Variants in PDZRN4 observed in about 807,000 individuals in gnomAD.
PDZRN4 encodes PDZ domain containing ring finger 4.
A neutral mutation model predicts 99.0 loss-of-function variants in PDZRN4; 70 were observed. That is an observed-to-expected ratio of 0.71 (90% CI 0.58 to 0.86). The LOEUF is 0.86. PDZRN4 is among the 40% of genes least tolerant of loss of function. The pLI, the probability that PDZRN4 is intolerant of heterozygous loss-of-function variation, is 0.00. For missense variants in PDZRN4, 1,474 were observed against 1,331.2 expected (o/e 1.11, Z -1.67); for synonymous variants, 551 against 501.6 (o/e 1.10, Z -1.32).
At chr12:41,398,660 C>A (rs1952267434) in intron 3 of PDZRN4, among the ~76,000 whole-genome samples, 1 of 152,088 alleles carries the variant, frequency 6.6e-6, no homozygotes, top group African/African-American at 2.4e-5. Context: ...TGTTAAAAAT[C>A]AAATGTTATA....
At chr12:41,469,591 C>T (rs2730827) in intron 3 of PDZRN4, among the ~76,000 whole-genome samples, 82,908 of 151,536 alleles carry the variant, frequency 0.55, 23,756 homozygotes, top group African/African-American at 0.74. Flanking sequence ...TTCTTGCTAG[C>T]ATTAGTGTGT....
At chr12:41,227,906 CA>C (rs1566375558) in intron 3 of PDZRN4, among the ~76,000 whole-genome samples, 8 of 151,408 alleles carry the variant, frequency 5.3e-5, no homozygotes, top group Admixed American at 6.6e-5. Context: ...CACACACACA[CA>C]CACACACACA....
intron 3 of PDZRN4, among the ~76,000 whole-genome samples, chr12:41,239,396 A>G (rs1023847736): frequency 6.6e-6 from 1 of 152,152 alleles, no homozygotes; most frequent in Non-Finnish European, 1.5e-5. Context: ...GATGGGTTGA[A>G]CTGTGCAGCA....
rs1356215805 is a variant in PDZRN4, at chr12:41,194,109, GAATTTACGTTTCAAA to G, written c.770_784del (p.Tyr257_Ile261del). The G allele has an allele frequency of 1.3e-6, 2 of 1,545,926 alleles. No homozygotes were observed. Among genetic ancestry groups the G allele is most frequent in the Non-Finnish European group, 1.8e-6 (2 of 1,131,164 alleles). ...AATCAGGAAGGAACATCGACTGAAG[GAATTTACGTTTCAAA>G]AATTTTAGAAAATGGACCTGCTGAC... On this transcript the variant is annotated inframe_deletion, in exon 3 of 10. Transcript: ENST00000402685.
At chr12:41,313,076 G>A (rs911053982) in intron 3 of PDZRN4, among the ~76,000 whole-genome samples, 1 of 152,074 alleles carries the variant, frequency 6.6e-6, no homozygotes, top group African/African-American at 2.4e-5. Flanking sequence ...GTGTGAACTG[G>A]AGCATTATTC....
chr12:41,554,760 AC>A (rs1213306690), intron 6 of PDZRN4, among the ~76,000 whole-genome samples: 1 of 152,080 alleles, frequency 6.6e-6, no homozygotes, highest in Non-Finnish European at 1.5e-5. Flanking sequence ...AATATACTTT[AC>A]CCCACATGTA....
intron 7 of PDZRN4, among the ~76,000 whole-genome samples, chr12:41,562,287 T>C (rs1175651974): frequency 6.6e-6 from 1 of 152,146 alleles, no homozygotes; most frequent in Non-Finnish European, 1.5e-5. Flanking sequence ...TTTATTGTGG[T>C]TCAAGGTTGA....
At chr12:41,457,532 T>C (rs1352488032) in intron 3 of PDZRN4, among the ~76,000 whole-genome samples, 1 of 152,150 alleles carries the variant, frequency 6.6e-6, no homozygotes, top group African/African-American at 2.4e-5. Context: ...AAGCAATGAG[T>C]TATCTTTCTC....
At chr12:41,357,866 T>A (rs10880062) in intron 3 of PDZRN4, among the ~76,000 whole-genome samples, 54,559 of 151,716 alleles carry the variant, frequency 0.36, 9,912 homozygotes, top group Non-Finnish European at 0.39. Context: ...CTCAGTTTTC[T>A]AACAAGCTGT....
At chr12:41,545,359 C>G (rs1423404567) in intron 5 of PDZRN4, among the ~76,000 whole-genome samples, 1 of 152,106 alleles carries the variant, frequency 6.6e-6, no homozygotes, top group Admixed American at 6.6e-5. Context: ...CAATGTTTCT[C>G]TGTTTGGAAA....
chr12:41,538,446 T>G (rs1938786677), intron 5 of PDZRN4, among the ~76,000 whole-genome samples: 1 of 152,186 alleles, frequency 6.6e-6, no homozygotes, highest in Non-Finnish European at 1.5e-5. Flanking sequence ...TTATAAATTA[T>G]GCACTAGTGA....
chr12:41,230,071 G>A (rs1311962943), intron 3 of PDZRN4, among the ~76,000 whole-genome samples: 3 of 151,824 alleles, frequency 2.0e-5, no homozygotes, highest in Non-Finnish European at 4.4e-5. Context: ...CTCTTCTGGA[G>A]ACCAGAAATC....
chr12:41,559,117 T>G (rs748299873), intron 7 of PDZRN4, among the ~76,000 whole-genome samples: 17 of 152,112 alleles, frequency 1.1e-4, no homozygotes, highest in Admixed American at 3.3e-4. Context: ...CAAACTTTTC[T>G]TAATGTAGCA....
chr12:41,378,657 G>A (rs978944070), intron 3 of PDZRN4, among the ~76,000 whole-genome samples: 2 of 150,872 alleles, frequency 1.3e-5, no homozygotes, highest in African/African-American at 4.9e-5. Context: ...CAAGTAGCTG[G>A]GATTACAGGT....
chr12:41,439,809 A>G (rs1287125115), intron 3 of PDZRN4, among the ~76,000 whole-genome samples: 1 of 152,204 alleles, frequency 6.6e-6, no homozygotes, highest in Non-Finnish European at 1.5e-5. Context: ...CTTCCATTTA[A>G]CTGGCTTTTA....
chr12:41,506,758 T>C (rs1216632535), intron 4 of PDZRN4, 46 bp downstream of exon 4: 3 of 1,561,492 alleles, frequency 1.9e-6, no homozygotes, highest in Non-Finnish European at 2.6e-6. Flanking sequence ...TTTCCATTTG[T>C]CACGTAAAGC....
At chr12:41,251,829 A>C (rs1362886195) in intron 3 of PDZRN4, among the ~76,000 whole-genome samples, 1 of 152,162 alleles carries the variant, frequency 6.6e-6, no homozygotes. Flanking sequence ...TTATATTTAA[A>C]ATAAGGCGAG....
chr12:41,194,175 A>G lies in PDZRN4; in HGVS notation c.830A>G (p.Asp277Gly). The change falls in exon 3 of 10, where the codon GAC becomes GGC. Residue 277 changes from aspartate (D) to glycine (G), a missense_variant. Coordinates refer to ENST00000402685, the MANE Select transcript of PDZRN4 (RefSeq NM_001164595.2). ...ADRADGLEIH[D>G]KIMEVNGKDL... ...AGAGCAGATGGCCTGGAGATTCATG[A>G]CAAAATCATGGAGGTAAGACAATGA... The G allele has an allele frequency of 2.0e-6, 3 of 1,472,694 alleles. No individual in the cohort carries two copies. The South Asian group carries it at 3.4e-5, about 17-fold the overall frequency. The allele number at this position is 1,472,694 out of a possible 1,614,324, so 91.2% of individuals were successfully genotyped here.
intron 3 of PDZRN4, among the ~76,000 whole-genome samples, chr12:41,341,577 A>C (rs952940967): frequency 6.6e-6 from 1 of 151,844 alleles, no homozygotes; most frequent in Non-Finnish European, 1.5e-5. Context: ...AGAGGAAATC[A>C]ATGAAACAAT....
Sources: allele counts gnomAD v4.1 joint callset (sites outside exome capture counted in the v4.1 genomes callset), GRCh38; gene constraint gnomAD v4.1.1; transcripts MANE v1.5; gene names NCBI Gene and HGNC (gene_info 2026-07-23, HGNC 2026-07-21).